The following BDNF variants were observed in gnomAD, a reference collection of about 807,000 sequenced individuals.
BDNF encodes the protein neurotrophic factor BDNF precursor form.
BDNF carries 1 observed loss-of-function variant against 19.5 expected under a neutral mutation model. That is an observed-to-expected ratio of 0.05 (90% CI 0.02 to 0.24). The LOEUF (loss-of-function observed/expected upper bound fraction) is 0.24. Ranked by LOEUF, BDNF falls within the 10% of genes least tolerant of loss-of-function variation. BDNF has a pLI of 1.00. For missense variants in BDNF, 195 were observed against 317.6 expected (o/e 0.61, Z 2.93); for synonymous variants, 100 against 121.6 (o/e 0.82, Z 1.17).
At chr11:27,712,221 T>A (rs1860354508) in intron 1 of BDNF, among the ~76,000 whole-genome samples, 1 of 152,258 alleles carries the variant, frequency 6.6e-6, no homozygotes. Flanking sequence ...GCTTCTCAAG[T>A]GTTCTGTTGT....
At chr11:27,670,352 A>C (rs2133884849) in intron 1 of BDNF, among the ~76,000 whole-genome samples, 1 of 152,358 alleles carries the variant, frequency 6.6e-6, no homozygotes, top group Admixed American at 6.5e-5. Context: ...GGCATGGACA[A>C]GGACTTCATG....
chr11:27,682,763 A>AT (rs1476595059), intron 1 of BDNF, among the ~76,000 whole-genome samples: 1 of 152,146 alleles, frequency 6.6e-6, no homozygotes, highest in African/African-American at 2.4e-5. Flanking sequence ...GCTGCATAGT[A>AT]TTCCATGGTG....
chr11:27,678,757 C>T (rs949607954), intron 1 of BDNF, among the ~76,000 whole-genome samples: 1 of 151,992 alleles, frequency 6.6e-6, no homozygotes, highest in African/African-American at 2.4e-5. Flanking sequence ...GACCTTTTAC[C>T]CCCAAATGTA....
rs1852500201 is a variant in BDNF at position 27,655,935 on chromosome 11, T to G, written c.*1886A>C. On this transcript the variant is annotated 3_prime_UTR_variant, in exon 2 of 2. Transcript: ENST00000356660. The stretch of plus-strand genomic sequence containing the variant: ...TGGCAGAGGTGAGGCAGGGACCCTC[T>G]CCATGAACAGACAGGATGGGCAGAA... 2 of 152,226 alleles carry G rather than the reference T, an allele frequency of 1.3e-5. No homozygotes were observed. Among genetic ancestry groups the G allele is most frequent in the African/African-American group, 4.8e-5 (2 of 41,434 alleles). 9.4% of individuals were successfully genotyped at this position (152,226 alleles called of 1,614,324 possible).
At chr11:27,693,830 G>A (rs533981362) in intron 1 of BDNF, among the ~76,000 whole-genome samples, 3 of 152,294 alleles carry the variant, frequency 2.0e-5, no homozygotes, top group East Asian at 3.9e-4. Flanking sequence ...ATCACAAAAT[G>A]GAACTACTGA....
intron 1 of BDNF, among the ~76,000 whole-genome samples, chr11:27,711,078 A>T (rs926599701): frequency 1.3e-5 from 2 of 152,154 alleles, no homozygotes; most frequent in East Asian, 3.8e-4. Context: ...ATTAGTGATT[A>T]AAAAAAGGGC....
upstream of BDNF, among the ~76,000 whole-genome samples, chr11:27,702,671 T>C (rs1470927546): frequency 6.6e-6 from 1 of 152,228 alleles, no homozygotes; most frequent in Non-Finnish European, 1.5e-5. Flanking sequence ...TATTACATAC[T>C]CAGTTCAATT....
chr11:27,680,474 A>G (rs1313233325), intron 1 of BDNF, among the ~76,000 whole-genome samples: 1 of 152,244 alleles, frequency 6.6e-6, no homozygotes, highest in Non-Finnish European at 1.5e-5. Context: ...GTTGGAAATC[A>G]TAACCCATTT....
intron 1 of BDNF, among the ~76,000 whole-genome samples, chr11:27,662,485 C>T (rs1264458111): frequency 6.6e-6 from 1 of 152,128 alleles, no homozygotes; most frequent in Non-Finnish European, 1.5e-5. Context: ...CTGTGCTAAC[C>T]CCAAATTATA....
intron 1 of BDNF, among the ~76,000 whole-genome samples, chr11:27,690,193 T>C (rs1435735553): frequency 1.3e-5 from 2 of 152,166 alleles, no homozygotes; most frequent in African/African-American, 4.8e-5. Flanking sequence ...TGCAAAAAAA[T>C]TCACATGTTT....
chr11:27,700,088 T>C, intron 1 of BDNF, 76 bp downstream of exon 1: 1 of 983,676 alleles, frequency 1.0e-6, no homozygotes, highest in East Asian at 1.1e-4. Context: ...AACTTTGGGG[T>C]GGGGGATCCC....
At chr11:27,699,743 AC>A in intron 1 of BDNF, 1 of 1,312,912 alleles carries the variant, frequency 7.6e-7, no homozygotes, top group Non-Finnish European at 9.8e-7. Flanking sequence ...CGCGGGGACC[AC>A]CCACCCCCTG....
chr11:27,662,115 G>T (rs1853554832), intron 1 of BDNF, among the ~76,000 whole-genome samples: 1 of 152,118 alleles, frequency 6.6e-6, no homozygotes, highest in Non-Finnish European at 1.5e-5. Flanking sequence ...CAATTCTCCT[G>T]CCTCAGCAGG....
At chr11:27,659,520 A>C (rs995678330) in intron 1 of BDNF, 1 of 1,000,324 alleles carries the variant, frequency 1.0e-6, no homozygotes, top group Non-Finnish European at 1.2e-6. Context: ...TGCAGACTCC[A>C]CTTTATCTCC....
At chr11:27,659,499 T>C (rs1853052307) in intron 1 of BDNF, 2 of 1,000,242 alleles carry the variant, frequency 2.0e-6, no homozygotes, top group Non-Finnish European at 2.4e-6. Context: ...CCATTTCAAA[T>C]GCCTCCCATA....
Position 27,657,110 on chromosome 11 carries a change from C to T in BDNF, c.*711G>A. ...TTGTTCAGTTGCCTTAATTTTTATT[C>T]ACTTTCTAGTCATCTGATCGATATT... is the stretch of plus-strand genomic sequence containing the variant. On this transcript the variant is annotated 3_prime_UTR_variant, in exon 2 of 2. Transcript: ENST00000356660. The surrounding 1 kb of genome is among the most constrained non-coding windows in gnomAD (Gnocchi z 5.0). 2.0e-6 allele frequency: 2 copies of T among 985,312 alleles called. No homozygotes were observed. The highest frequency in any genetic ancestry group is 9.4e-5 in the South Asian group (2 of 21,268). The allele number at this position is 985,312 out of a possible 1,614,324, so 61.0% of individuals were successfully genotyped here.
In BDNF at chr11:27,707,724, C is replaced by A. The variant is rs1473625025; in HGVS notation, c.3+13688G>T. Among the ~76,000 whole-genome samples, 3 of 152,060 alleles carry A rather than the reference C, an allele frequency of 2.0e-5. No homozygotes were observed. In the East Asian group the frequency reaches 5.8e-4, roughly 29 times the overall value. Reference sequence around the variant, plus strand: ...GGGGAATGAATTGGTGAGAGTACAGCCATTAATTTAAATTCCAGCCCCTAT... The same window carrying A: ...GGGGAATGAATTGGTGAGAGTACAGACATTAATTTAAATTCCAGCCCCTAT... On this transcript the variant is annotated intron_variant, in intron 1 of 1. Coordinates refer to the BDNF transcript ENST00000314915.
chr11:27,677,826 C>T (rs1564965110), intron 1 of BDNF: 2 of 152,162 alleles, frequency 1.3e-5, no homozygotes, highest in Non-Finnish European at 2.9e-5. Flanking sequence ...AGTGGCTTTA[C>T]TTTTGACACA....
At chr11:27,674,078 A>G (rs1275684884) in intron 1 of BDNF, 2 of 1,607,846 alleles carry the variant, frequency 1.2e-6, no homozygotes, top group South Asian at 1.1e-5. Context: ...AACCATTTTC[A>G]GGGATCAGTT....
Sources: gnomAD v4.1 joint callset for allele counts (sites outside exome capture counted in the v4.1 genomes callset) on GRCh38, gnomAD v4.1.1 for gene constraint, Gnocchi (gnomAD v3.1) non-coding constraint, MANE v1.5 for transcripts, NCBI Gene and HGNC (gene_info 2026-07-23, HGNC 2026-07-21) for gene names.